Variants in INPP4B observed in about 807,000 individuals in gnomAD.
INPP4B encodes the protein inositol polyphosphate-4-phosphatase type II B.
In INPP4B, 55 loss-of-function variants were observed where a neutral mutation model predicts 122.5. That is an observed-to-expected ratio of 0.45 (90% CI 0.36 to 0.56). The LOEUF (loss-of-function observed/expected upper bound fraction) is 0.56. Ranked by LOEUF, INPP4B falls within the 20% of genes least tolerant of loss-of-function variation. The pLI is 0.00. For synonymous variants in INPP4B, 403 were observed against 388.7 expected (o/e 1.04, Z -0.43); for missense variants, 1,000 against 1,097.7 (o/e 0.91, Z 1.26).
chr4:142,517,491 G>A (rs1825555421), intron 2 of INPP4B, among the ~76,000 whole-genome samples: 1 of 152,072 alleles, frequency 6.6e-6, no homozygotes. Flanking sequence ...ATACATCCAG[G>A]AAATGTAATC....
At chr4:142,121,642 C>G (rs971365350) in intron 21 of INPP4B, among the ~76,000 whole-genome samples, 4 of 152,028 alleles carry the variant, frequency 2.6e-5, no homozygotes, top group African/African-American at 4.8e-5. Flanking sequence ...TCTCGGAAAT[C>G]TCATAGTCTG....
chr4:142,329,558 T>C (rs1773705594), intron 7 of INPP4B, among the ~76,000 whole-genome samples: 1 of 152,152 alleles, frequency 6.6e-6, no homozygotes, highest in African/African-American at 2.4e-5. Flanking sequence ...AGGTCAAGTG[T>C]GGAAGGATAA....
chr4:142,095,695 A>G (rs1781507013), intron 23 of INPP4B, among the ~76,000 whole-genome samples: 1 of 152,176 alleles, frequency 6.6e-6, no homozygotes, highest in Non-Finnish European at 1.5e-5. Flanking sequence ...AAAAATTAAG[A>G]TAAGTCAACA....
At chr4:142,591,838 CCTGA>C (rs768013862) in intron 2 of INPP4B, among the ~76,000 whole-genome samples, 1 of 152,016 alleles carries the variant, frequency 6.6e-6, no homozygotes, top group African/African-American at 2.4e-5. Flanking sequence ...CTACAAAGAG[CCTGA>C]CTAAAACTGT....
chr4:142,836,096 A>G (rs1782735333), intron 1 of INPP4B, among the ~76,000 whole-genome samples: 2 of 152,190 alleles, frequency 1.3e-5, no homozygotes, highest in South Asian at 4.1e-4. Flanking sequence ...CTTTAGTGAG[A>G]GATACCACAG....
intron 7 of INPP4B, among the ~76,000 whole-genome samples, chr4:142,344,070 T>C (rs1052031369): frequency 3.3e-5 from 5 of 152,116 alleles, no homozygotes; most frequent in African/African-American, 9.7e-5. Context: ...ACTTTTAATA[T>C]TGAATGTGTT....
intron 2 of INPP4B, among the ~76,000 whole-genome samples, chr4:142,644,193 C>T (rs748334348): frequency 2.1e-5 from 3 of 141,662 alleles, no homozygotes; most frequent in Non-Finnish European, 3.0e-5. Flanking sequence ...CAGAGTGAGA[C>T]TGTCTCAAAA....
intron 1 of INPP4B, among the ~76,000 whole-genome samples, chr4:142,741,444 T>C (rs1235771496): frequency 1.3e-5 from 2 of 151,922 alleles, no homozygotes; most frequent in Non-Finnish European, 2.9e-5. Context: ...TCTGCCCCCA[T>C]GATCCAATAC....
intron 1 of INPP4B, among the ~76,000 whole-genome samples, chr4:142,744,887 C>T (rs1235719268): frequency 6.6e-6 from 1 of 151,532 alleles, no homozygotes; most frequent in East Asian, 1.9e-4. Flanking sequence ...AAAAGATAGG[C>T]TATTTTTTAT....
At chr4:142,582,918 T>C (rs556130778) in intron 2 of INPP4B, among the ~76,000 whole-genome samples, 15 of 152,292 alleles carry the variant, frequency 9.8e-5, no homozygotes, top group Non-Finnish European at 2.2e-4. Context: ...TGTCCTGTTA[T>C]TGATGCTCAA....
intron 2 of INPP4B, among the ~76,000 whole-genome samples, chr4:142,645,681 GAGTTCCTGCCAT>G (rs1751611333): frequency 6.6e-6 from 1 of 152,196 alleles, no homozygotes; most frequent in Non-Finnish European, 1.5e-5. Context: ...AAAGGAGTCT[GAGTTCCTGCCAT>G]TGGAACGGTT....
chr4:142,811,816 A>G (rs1779550010), intron 1 of INPP4B, among the ~76,000 whole-genome samples: 1 of 152,140 alleles, frequency 6.6e-6, no homozygotes, highest in East Asian at 1.9e-4. Flanking sequence ...GAGGATTAGG[A>G]CCTATATCTC....
At chr4:142,334,238 C>T (rs1247307522) in intron 7 of INPP4B, among the ~76,000 whole-genome samples, 4 of 152,196 alleles carry the variant, frequency 2.6e-5, no homozygotes, top group Non-Finnish European at 4.4e-5. Flanking sequence ...TATACACGCA[C>T]ATATACACAC....
chr4:142,452,270 G>A (rs1024642026), intron 3 of INPP4B, among the ~76,000 whole-genome samples: 32 of 152,138 alleles, frequency 2.1e-4, no homozygotes, highest in African/African-American at 7.5e-4. Context: ...TAACTCAAAT[G>A]GTATCAGATC....
Position 142,124,633 on chromosome 4 carries a change from C to T in INPP4B, c.1848G>A (p.Gln616=). ...CTCTTCTTAGCGTCAGCATCAGACACTGGGGCAAGCTGTACGCAAGTTCCT... is the reference window on the plus strand; with the variant it reads ...CTCTTCTTAGCGTCAGCATCAGACATTGGGGCAAGCTGTACGCAAGTTCCT... ...LLQELAYSLP[Q]CLMLTLRRDI... Residue 616 remains glutamine, a synonymous_variant, in exon 19 of 26, where the codon CAG becomes CAA. Coordinates refer to ENST00000262992, the MANE Select transcript of INPP4B (RefSeq NM_001101669.3). The T allele has an allele frequency of 6.2e-7, 1 of 1,613,518 alleles. No individual in the cohort carries two copies. The highest frequency in any genetic ancestry group is 8.5e-7 in the Non-Finnish European group (1 of 1,179,642).
chr4:142,829,953 C>A (rs6822703), intron 1 of INPP4B, among the ~76,000 whole-genome samples: 34,620 of 151,946 alleles, frequency 0.23, 4,184 homozygotes, highest in South Asian at 0.33. Flanking sequence ...AAAAATTATA[C>A]CATTTTAATA....
intron 2 of INPP4B, among the ~76,000 whole-genome samples, chr4:142,529,735 A>AT (rs34643958): frequency 6.6e-6 from 1 of 151,984 alleles, no homozygotes; most frequent in Admixed American, 6.6e-5. Context: ...TTAAATTTTG[A>AT]TTTTTTTGAC....
At chr4:142,554,695 A>G (rs1337957397) in intron 2 of INPP4B, among the ~76,000 whole-genome samples, 1 of 152,216 alleles carries the variant, frequency 6.6e-6, no homozygotes, top group African/African-American at 2.4e-5. Context: ...GTAAGGTGTG[A>G]AAGCAATTTA....
chr4:142,533,845 T>C (rs62328344), intron 2 of INPP4B, among the ~76,000 whole-genome samples: 117 of 152,328 alleles, frequency 7.7e-4, no homozygotes, highest in Admixed American at 1.4e-3. Flanking sequence ...AATGTGGTAG[T>C]CATCAGTGCA....
Sources: gnomAD v4.1 joint callset for allele counts (sites outside exome capture counted in the v4.1 genomes callset) on GRCh38, gnomAD v4.1.1 for gene constraint, MANE v1.5 for transcripts, NCBI Gene and HGNC (gene_info 2026-07-23, HGNC 2026-07-21) for gene names.